Variants in ZNF423 observed in about 807,000 individuals in gnomAD.
ZNF423 encodes Ebf-associated zinc finger protein.
In ZNF423, 12 loss-of-function variants were observed where a neutral mutation model predicts 95.8. That is an observed-to-expected ratio of 0.13 (90% CI 0.08 to 0.20). The LOEUF (loss-of-function observed/expected upper bound fraction) is 0.20. Ranked by LOEUF, ZNF423 falls within the 10% of genes least tolerant of loss-of-function variation. ZNF423 has a pLI of 1.00. For missense variants in ZNF423, 1,316 were observed against 1,737.1 expected (o/e 0.76, Z 4.31); for synonymous variants, 749 against 711.9 (o/e 1.05, Z -0.83).
In ZNF423 at chr16:49,523,720, C is replaced by T; in HGVS notation, c.3753G>A (p.Lys1251=). 8 of 1,613,864 alleles carry T rather than the reference C, an allele frequency of 5.0e-6. No homozygotes were observed. The highest frequency in any genetic ancestry group is 6.8e-6 in the Non-Finnish European group (8 of 1,180,034). ...VCFTVFVQAN[K]LQQHIFAVHG... Reference sequence around the variant, plus strand: ...GCACGGCAAAGATGTGCTGCTGCAACTTGTTGGCCTGGACGAAGACTAGAC... The same window carrying T: ...GCACGGCAAAGATGTGCTGCTGCAATTTGTTGGCCTGGACGAAGACTAGAC... Residue 1251 remains lysine, a synonymous_variant, in exon 7 of 8, where the codon AAG becomes AAA. Transcript: ENST00000563137.
At chr16:49,653,780 T>G (rs1567534578) in intron 3 of ZNF423, among the ~76,000 whole-genome samples, 1 of 152,220 alleles carries the variant, frequency 6.6e-6, no homozygotes, top group Non-Finnish European at 1.5e-5. Context: ...TTCAAGACAC[T>G]GCCTCCCGGA....
chr16:49,847,791 C>T (rs575481350), intron 1 of ZNF423, among the ~76,000 whole-genome samples: 72 of 152,220 alleles, frequency 4.7e-4, no homozygotes, highest in African/African-American at 1.6e-3. Flanking sequence ...GTGGTGACAG[C>T]CCGACAACAA....
At chr16:49,590,850 C>G (rs1970992210) in intron 5 of ZNF423, among the ~76,000 whole-genome samples, 1 of 152,222 alleles carries the variant, frequency 6.6e-6, no homozygotes, top group Non-Finnish European at 1.5e-5. Context: ...GCCTTTCCCC[C>G]ACCACCACTC....
intron 1 of ZNF423, among the ~76,000 whole-genome samples, chr16:49,814,398 T>C (rs1228218054): frequency 6.6e-6 from 1 of 151,092 alleles, no homozygotes; most frequent in Non-Finnish European, 1.5e-5. Context: ...TGTGCCAGGA[T>C]AGACTGCACC....
intron 2 of ZNF423, among the ~76,000 whole-genome samples, chr16:49,752,663 G>C (rs372109473): frequency 1.3e-5 from 2 of 152,172 alleles, no homozygotes; most frequent in African/African-American, 4.8e-5. Context: ...CAAATTCATC[G>C]GGACAACTGA....
intron 5 of ZNF423, among the ~76,000 whole-genome samples, chr16:49,540,666 A>C (rs1276887954): frequency 6.6e-6 from 1 of 152,172 alleles, no homozygotes; most frequent in African/African-American, 2.4e-5. Flanking sequence ...TCACACCCTG[A>C]ATGCACAAGG....
At chr16:49,539,219 C>A (rs888358887) in intron 5 of ZNF423, among the ~76,000 whole-genome samples, 2 of 152,124 alleles carry the variant, frequency 1.3e-5, no homozygotes, top group Non-Finnish European at 2.9e-5. Context: ...CAACACCATC[C>A]CAAATGCAGG....
At chr16:49,834,257 C>G (rs2035092785) in intron 1 of ZNF423, among the ~76,000 whole-genome samples, 1 of 152,112 alleles carries the variant, frequency 6.6e-6, no homozygotes, top group Admixed American at 6.5e-5. Context: ...TCAGTTGCCT[C>G]ATCATGAAAA....
intron 5 of ZNF423, among the ~76,000 whole-genome samples, chr16:49,557,232 G>A (rs1347641220): frequency 2.0e-5 from 3 of 152,226 alleles, no homozygotes; most frequent in African/African-American, 4.8e-5. Flanking sequence ...TAGGGCGCGA[G>A]CAGCTCCCCA....
intron 2 of ZNF423, among the ~76,000 whole-genome samples, chr16:49,738,857 C>T (rs1187386306): frequency 6.6e-6 from 1 of 152,082 alleles, no homozygotes; most frequent in African/African-American, 2.4e-5. Context: ...CACCAGGCGC[C>T]ACATTCTAGG....
chr16:49,693,779 C>T (rs1431719378), intron 3 of ZNF423, among the ~76,000 whole-genome samples: 13 of 152,158 alleles, frequency 8.5e-5, no homozygotes, highest in African/African-American at 3.1e-4. Flanking sequence ...TTAGGAAGAG[C>T]CTGGCAGAGA....
chr16:49,539,074 T>C (rs1246651707), intron 5 of ZNF423, among the ~76,000 whole-genome samples: 1 of 152,146 alleles, frequency 6.6e-6, no homozygotes, highest in Non-Finnish European at 1.5e-5. Context: ...AAGAGAGGTG[T>C]CATCCCTATA....
At position 49,805,716 on chromosome 16, in the gene ZNF423, G is replaced by A. The variant is rs573526728; in HGVS notation, c.41-16170C>T. Reference sequence around the variant, plus strand: ...CCCACGTTGATCATAAACTCCACCTGTTGCTTGCTGTGTAACCTTGGGTAA... The same window carrying A: ...CCCACGTTGATCATAAACTCCACCTATTGCTTGCTGTGTAACCTTGGGTAA... On this transcript the variant is annotated intron_variant, in intron 1 of 7. Coordinates refer to ENST00000563137, the MANE Select transcript of ZNF423 (RefSeq NM_001379286.1). 3.9e-5 allele frequency among the ~76,000 whole-genome samples: 6 copies of A among 152,288 alleles called. No homozygotes were observed. In the East Asian group the frequency reaches 7.7e-4, roughly 20 times the overall value.
At chr16:49,819,029 G>A in intron 1 of ZNF423, among the ~76,000 whole-genome samples, 1 of 151,968 alleles carries the variant, frequency 6.6e-6, no homozygotes, top group South Asian at 2.1e-4. Context: ...TGAGGCCGGT[G>A]GATTACGAGG....
At chr16:49,581,090 TACTC>T (rs1210924738) in intron 5 of ZNF423, among the ~76,000 whole-genome samples, 3 of 152,168 alleles carry the variant, frequency 2.0e-5, no homozygotes, top group South Asian at 2.1e-4. Context: ...AACAAACACA[TACTC>T]ACCACCCGCT....
At chr16:49,604,173 C>T (rs534203704) in intron 5 of ZNF423, among the ~76,000 whole-genome samples, 5 of 152,334 alleles carry the variant, frequency 3.3e-5, no homozygotes, top group African/African-American at 9.6e-5. Context: ...GGCGGGCACC[C>T]GGGCCCCTCA....
intron 5 of ZNF423, among the ~76,000 whole-genome samples, chr16:49,548,769 T>C (rs563081046): frequency 2.0e-5 from 3 of 152,268 alleles, no homozygotes; most frequent in Non-Finnish European, 4.4e-5. Context: ...CAGGAAAAGT[T>C]TCCCAAGAGC....
chr16:49,750,947 C>G (rs1050265194), intron 2 of ZNF423, among the ~76,000 whole-genome samples: 1 of 152,094 alleles, frequency 6.6e-6, no homozygotes, highest in African/African-American at 2.4e-5. Flanking sequence ...CTCCAAGAAC[C>G]AAGCGGAGGC....
At chr16:49,541,159 T>C (rs2151737489) in intron 5 of ZNF423, among the ~76,000 whole-genome samples, 1 of 152,300 alleles carries the variant, frequency 6.6e-6, no homozygotes, top group East Asian at 1.9e-4. Flanking sequence ...GGAGGAAGGA[T>C]GGACCACCAT....
Sources: allele counts gnomAD v4.1 joint callset (sites outside exome capture counted in the v4.1 genomes callset), GRCh38; gene constraint gnomAD v4.1.1; transcripts MANE v1.5; gene names NCBI Gene and HGNC (gene_info 2026-07-23, HGNC 2026-07-21).